PCDHGA8: variants seen among roughly 807,000 people sequenced by gnomAD.
PCDHGA8 encodes protocadherin gamma-A8.
In PCDHGA8, 45 loss-of-function variants were observed where a neutral mutation model predicts 59.2. The ratio of observed to expected loss-of-function variants is 0.76; its 90% CI spans 0.60 to 0.98. The LOEUF is 0.98. PCDHGA8 is among the 50% of genes least tolerant of loss of function. PCDHGA8 has a pLI of 0.00. For synonymous variants in PCDHGA8, 531 were observed against 519.0 expected (o/e 1.02, Z -0.32); for missense variants, 1,257 against 1,196.2 (o/e 1.05, Z -0.75).
intron 1 of PCDHGA8, chr5:141,415,337 G>A: frequency 1.2e-6 from 2 of 1,614,210 alleles, no homozygotes; most frequent in Non-Finnish European, 1.7e-6. Flanking sequence ...CACAGGCTGC[G>A]GCGCTGGCAC....
At chr5:141,482,755 T>TGAAGTGGGAG (rs1554165462) in intron 1 of PCDHGA8, among the ~76,000 whole-genome samples, 1 of 143,580 alleles carries the variant, frequency 7.0e-6, no homozygotes, top group South Asian at 2.1e-4. Context: ...GGGATTATGG[T>TGAAGTGGGAG]ATTTCATTAT....
chr5:141,424,294 C>G (rs1260250688), intron 1 of PCDHGA8: 1 of 152,470 alleles, frequency 6.6e-6, no homozygotes, highest in Non-Finnish European at 1.5e-5. Context: ...ATTTCTTCAT[C>G]CTATCAACAC....
At chr5:141,399,627 C>A (rs751717107) in intron 1 of PCDHGA8, 19 of 1,613,788 alleles carry the variant, frequency 1.2e-5, no homozygotes, top group Non-Finnish European at 1.6e-5. Flanking sequence ...TGGCCTCTTA[C>A]GTGTCCATGA....
chr5:141,427,703 C>A (rs529490424), intron 1 of PCDHGA8: 2 of 957,514 alleles, frequency 2.1e-6, no homozygotes, highest in African/African-American at 1.6e-5. Flanking sequence ...CACAAGTCAG[C>A]GCCTCTGACC....
chr5:141,404,103 G>C lies in PCDHGA8; in HGVS notation c.2424+8866G>C, dbSNP rs773489391. 14 of 1,613,372 alleles carry C rather than the reference G, an allele frequency of 8.7e-6. No homozygotes were observed. In the East Asian group the frequency reaches 2.9e-4, roughly 33 times the overall value. On this transcript the variant is annotated intron_variant, in intron 1 of 3. Transcript: ENST00000398604. ...TCCGGGAAGAATGGTCAAGTTGTCT[G>C]TTCTATCCAGGAGAATCTATCTTTT...
intron 2 of PCDHGA8, among the ~76,000 whole-genome samples, chr5:141,495,550 G>A (rs999176899): frequency 6.6e-6 from 1 of 151,958 alleles, no homozygotes; most frequent in Non-Finnish European, 1.5e-5. Context: ...TCTCTATCTC[G>A]CTTTGCAATC....
At chr5:141,495,149 G>A (rs1448841303) in intron 2 of PCDHGA8, among the ~76,000 whole-genome samples, 1 of 152,170 alleles carries the variant, frequency 6.6e-6, no homozygotes, top group Non-Finnish European at 1.5e-5. Context: ...CCAAAGGATG[G>A]TCTTAAGCTG....
intron 1 of PCDHGA8, among the ~76,000 whole-genome samples, chr5:141,473,329 G>A (rs2099319416): frequency 6.6e-6 from 1 of 152,212 alleles, no homozygotes; most frequent in Non-Finnish European, 1.5e-5. Context: ...TTAAGTGCCT[G>A]CTGTGCTAGA....
intron 1 of PCDHGA8, among the ~76,000 whole-genome samples, chr5:141,470,572 A>G (rs1349952470): frequency 6.6e-6 from 1 of 152,208 alleles, no homozygotes; most frequent in Non-Finnish European, 1.5e-5. Flanking sequence ...GCCAAGCAGG[A>G]TCAACTTCAT....
intron 1 of PCDHGA8, chr5:141,417,924 T>C (rs1197566429): frequency 1.9e-6 from 3 of 1,609,340 alleles, no homozygotes; most frequent in Admixed American, 1.7e-5. Flanking sequence ...CCTTTGCTGC[T>C]GCCTTTGTTC....
chr5:141,474,900 T>C (rs577411783), intron 1 of PCDHGA8, among the ~76,000 whole-genome samples: 2 of 152,368 alleles, frequency 1.3e-5, no homozygotes, highest in South Asian at 2.1e-4. Flanking sequence ...TCATTTCTTG[T>C]TCAAGGATAT....
At chr5:141,405,450 T>G in intron 1 of PCDHGA8, 7 of 1,286,684 alleles carry the variant, frequency 5.4e-6, no homozygotes, top group South Asian at 1.4e-5. Flanking sequence ...GACAGAGTCT[T>G]ACTCTGTTAC....
At chr5:141,423,148 C>G (rs2096714622) in intron 1 of PCDHGA8, 1 of 1,613,404 alleles carries the variant, frequency 6.2e-7, no homozygotes, top group African/African-American at 1.3e-5. Flanking sequence ...CGCGCTCAAG[C>G]AGAGCCTCGT....
rs1562063782 is a variant in PCDHGA8, at chr5:141,477,676, A to G, written c.2425-17131A>G. ...TAAATCGTGACAATGGCATAGTGTC[A>G]TCCTTAGTGCCCCTAGACTATGAGG... On this transcript the variant is annotated intron_variant, in intron 1 of 3. Coordinates refer to ENST00000398604, the MANE Select transcript of PCDHGA8 (RefSeq NM_032088.2). This position sits in a 1 kb window ranked among gnomAD's most constrained non-coding sequence, Gnocchi z 4.9. The G allele has an allele frequency of 1.2e-6, 2 of 1,614,194 alleles. No homozygotes were observed. The highest frequency in any genetic ancestry group is 1.7e-6 in the Non-Finnish European group (2 of 1,180,046).
At chr5:141,428,008 T>C (rs2097099623) in intron 1 of PCDHGA8, 4 of 1,601,848 alleles carry the variant, frequency 2.5e-6, no homozygotes, top group Admixed American at 3.3e-5. Context: ...CTCTTCGATA[T>C]AGTGCCACGC....
In PCDHGA8 at chr5:141,487,822, G is replaced by T. The variant is rs1406642768; in HGVS notation, c.2425-6985G>T. ...TGTCACAGTTTAGCATTGGGGGCGG[G>T]TCATGCCTATATCTGAGTAAGAAAT... On this transcript the variant is annotated intron_variant, in intron 1 of 3. Coordinates refer to ENST00000398604, the MANE Select transcript of PCDHGA8 (RefSeq NM_032088.2). This position sits in a 1 kb window ranked among gnomAD's most constrained non-coding sequence, Gnocchi z 5.0. The T allele has an allele frequency of 3.1e-6, 4 of 1,278,640 alleles. No homozygotes were observed. The East Asian group carries it at 7.6e-5, about 24-fold the overall frequency. 79.2% of individuals were successfully genotyped at this position (1,278,640 alleles called of 1,614,324 possible). A position where few individuals can be genotyped will look rare whatever the true frequency, so the allele number is the denominator to read the frequency against.
rs2096260633 is a variant in PCDHGA8 at position 141,418,459 on chromosome 5, G to C, written c.2424+23222G>C. 2.5e-6 allele frequency: 4 copies of C among 1,613,992 alleles called. No homozygotes were observed. In the East Asian group the frequency reaches 6.7e-5, roughly 27 times the overall value. ...CAGAATTAGTATTGCAGAAGACTCT[G>C]GACCGAGAAACGCAGAGCGCTCACC... On this transcript the variant is annotated intron_variant, in intron 1 of 3. Transcript: ENST00000398604.
At chr5:141,441,779 C>T in intron 1 of PCDHGA8, 2 of 390,030 alleles carry the variant, frequency 5.1e-6, no homozygotes, top group South Asian at 2.0e-5. Context: ...TGGTGGACGA[C>T]CTGAATGACA....
In PCDHGA8 at chr5:141,489,459, C is replaced by A; in HGVS notation, c.2425-5348C>A. ...AATTGGGCTCTGAGGAGAATGGGCG[C>A]TATTTTTCCCTGAGCTTGATGAGTG... On this transcript the variant is annotated intron_variant, in intron 1 of 3. Transcript: ENST00000398604. The surrounding 1 kb of genome is among the most constrained non-coding windows in gnomAD (Gnocchi z 4.5). 1 of 1,614,086 alleles carries A rather than the reference C, an allele frequency of 6.2e-7. No individual in the cohort carries two copies. The highest frequency in any genetic ancestry group is 8.5e-7 in the Non-Finnish European group (1 of 1,180,012).
Sources: allele counts gnomAD v4.1 joint callset (sites outside exome capture counted in the v4.1 genomes callset), GRCh38; gene constraint gnomAD v4.1.1; non-coding constraint Gnocchi (gnomAD v3.1); transcripts MANE v1.5; gene names NCBI Gene and HGNC (gene_info 2026-07-23, HGNC 2026-07-21).